Variants in GABRB3 observed in about 807,000 individuals in gnomAD.
The protein encoded by GABRB3 is gamma-aminobutyric acid receptor subunit beta-3.
A neutral mutation model predicts 52.1 loss-of-function variants in GABRB3; 14 were observed. The ratio of observed to expected loss-of-function variants is 0.27; its 90% CI spans 0.18 to 0.42. GABRB3 has a LOEUF of 0.42. Ranked by LOEUF, GABRB3 falls within the 10% of genes least tolerant of loss-of-function variation. The pLI is 1.00. For synonymous variants in GABRB3, 260 were observed against 232.3 expected, an observed-to-expected ratio of 1.12 and a Z score of -1.08; for missense variants, 307 against 609.1, an observed-to-expected ratio of 0.50 and a Z score of 5.22.
chr15:26,628,973 T>C, intron 3 of GABRB3: 1 of 1,536,100 alleles, frequency 6.5e-7, no homozygotes, highest in Non-Finnish European at 8.7e-7. Flanking sequence ...TCCCCGACTT[T>C]TACCTCTTCT....
At position 26,558,254 on chromosome 15, in the gene GABRB3, T is replaced by A. The variant is rs753387917; in HGVS notation, c.1080+2678A>T. ...TTGCCTGTGAAAAATCTGGTTTTAT[T>A]CACAGACCCTCAGTTTTCTGACCAA... On this transcript the variant is annotated intron_variant, in intron 8 of 8. Transcript: ENST00000311550. Among the ~76,000 whole-genome samples, 34 of 152,234 alleles carry A rather than the reference T, an allele frequency of 2.2e-4. 1 individual carries two copies. The highest frequency in any genetic ancestry group is 4.8e-4 in the Non-Finnish European group (33 of 68,044).
At chr15:26,707,021 T>TG (rs537053544) in intron 3 of GABRB3, among the ~76,000 whole-genome samples, 120 of 152,324 alleles carry the variant, frequency 7.9e-4, no homozygotes, top group South Asian at 2.3e-3. Context: ...GATGAGACTG[T>TG]GGTTTCCACC....
chr15:26,733,996 C>A (rs1181284764), intron 3 of GABRB3, among the ~76,000 whole-genome samples: 1 of 149,014 alleles, frequency 6.7e-6, no homozygotes, highest in Non-Finnish European at 1.5e-5. Flanking sequence ...GGTAAAAAAC[C>A]TAAATGTAAG....
intron 4 of GABRB3, among the ~76,000 whole-genome samples, chr15:26,620,263 T>C (rs1892431520): frequency 6.6e-6 from 1 of 152,168 alleles, no homozygotes; most frequent in South Asian, 2.1e-4. Context: ...TTTGCTAAAA[T>C]CCCAAATTCT....
chr15:26,586,408 A>ACACACT (rs1890988101), intron 4 of GABRB3, among the ~76,000 whole-genome samples: 1 of 150,974 alleles, frequency 6.6e-6, no homozygotes, highest in Admixed American at 6.6e-5. Context: ...ACACACACAC[A>ACACACT]CACACACACA....
chr15:26,702,889 T>C (rs925766943), intron 3 of GABRB3, among the ~76,000 whole-genome samples: 4 of 152,232 alleles, frequency 2.6e-5, no homozygotes, highest in African/African-American at 9.6e-5. Flanking sequence ...ATGTGAGGAA[T>C]ACATTTCTGT....
rs137986784 is a variant in GABRB3 at position 26,661,068 on chromosome 15, A to G, written c.241-39534T>C. 8.0e-3 allele frequency among the ~76,000 whole-genome samples: 1,218 copies of G among 152,272 alleles called. 18 individuals are homozygous for G. The highest frequency in any genetic ancestry group is 0.028 in the African/African-American group (1,165 of 41,540). On this transcript the variant is annotated intron_variant, in intron 3 of 8. Transcript: ENST00000311550. ...CCCAAAATCCTGGGATGACAGGTTT[A>G]AGCCACTGTGCCCAGCCAAGAATAA...
intron 3 of GABRB3, among the ~76,000 whole-genome samples, chr15:26,646,767 G>T (rs1887020542): frequency 6.6e-6 from 1 of 152,104 alleles, no homozygotes; most frequent in Non-Finnish European, 1.5e-5. Flanking sequence ...GTATCTCATT[G>T]TGGTTCTAAT....
chr15:26,764,175 AAAAAATATATATATATATATATATAT>A lies in GABRB3; in HGVS notation c.240+8201_240+8226del, dbSNP rs1231921982. Among the ~76,000 whole-genome samples the A allele has an allele frequency of 3.3e-3, 41 of 12,570 alleles. 5 individuals carry two copies. The highest frequency in any genetic ancestry group is 5.6e-3 in the Non-Finnish European group (36 of 6,380). 8.2% of individuals were successfully genotyped at this position (12,570 alleles called of 152,430 possible). ...AAAAAAAAAAAAAAAAAAAAAAAAAAAAAAATATATATATATATATATATATATATATATATATATATATATATATA... is the reference window on the plus strand; with the variant it reads ...AAAAAAAAAAAAAAAAAAAAAAAAAAATATATATATATATATATATATATA... On this transcript the variant is annotated intron_variant, in intron 3 of 8. Transcript: ENST00000311550.
intron 6 of GABRB3, among the ~76,000 whole-genome samples, chr15:26,570,236 C>A (rs1314653547): frequency 6.6e-6 from 1 of 152,206 alleles, no homozygotes; most frequent in Non-Finnish European, 1.5e-5. Flanking sequence ...GAGGTGAAAA[C>A]ATATGTGGAT....
At chr15:26,711,431 C>T (rs748927432) in intron 3 of GABRB3, among the ~76,000 whole-genome samples, 2 of 150,342 alleles carry the variant, frequency 1.3e-5, no homozygotes, top group South Asian at 4.3e-4. Flanking sequence ...AGCTTCGTGA[C>T]GGATGTGGCA....
intron 4 of GABRB3, among the ~76,000 whole-genome samples, chr15:26,599,979 T>A (rs11629779): frequency 0.31 from 47,333 of 151,548 alleles, 9,201 homozygotes; most frequent in Middle Eastern, 0.48. Flanking sequence ...TATAGAGAGA[T>A]AAAATTTAAT....
At chr15:26,615,164 A>G (rs1334644774) in intron 4 of GABRB3, 7 of 485,814 alleles carry the variant, frequency 1.4e-5, no homozygotes, top group African/African-American at 4.2e-5. Flanking sequence ...GCCTTTTTAC[A>G]AATAGAAGAA....
At chr15:26,672,165 G>T (rs1396926985) in intron 3 of GABRB3, among the ~76,000 whole-genome samples, 1 of 152,102 alleles carries the variant, frequency 6.6e-6, no homozygotes, top group Non-Finnish European at 1.5e-5. Flanking sequence ...AGTGACATAG[G>T]ATTATTTTGA....
At chr15:26,555,473 G>T (rs1047818836) in intron 8 of GABRB3, among the ~76,000 whole-genome samples, 7 of 152,308 alleles carry the variant, frequency 4.6e-5, no homozygotes, top group Admixed American at 4.6e-4. Context: ...CCACTGTTGT[G>T]TTTGGGAGAC....
chr15:26,566,936 T>G (rs1325946376), intron 7 of GABRB3, among the ~76,000 whole-genome samples: 1 of 152,240 alleles, frequency 6.6e-6, no homozygotes, highest in Non-Finnish European at 1.5e-5. Flanking sequence ...TACATAAACG[T>G]ATTTAAATAA....
intron 7 of GABRB3, 140 bp from the exon 8 acceptor site, chr15:26,561,316 C>G: frequency 8.6e-7 from 1 of 1,164,472 alleles, no homozygotes; most frequent in African/African-American, 1.5e-5. Context: ...TGGAATGCAA[C>G]AGAGCATACA....
At chr15:26,730,157 A>G (rs545465532) in intron 3 of GABRB3, among the ~76,000 whole-genome samples, 54 of 152,348 alleles carry the variant, frequency 3.5e-4, no homozygotes, top group African/African-American at 1.2e-3. Flanking sequence ...TTGTTCTTAC[A>G]GTCCAAGTGG....
chr15:26,596,520 C>A (rs1891401148), intron 4 of GABRB3, among the ~76,000 whole-genome samples: 1 of 152,046 alleles, frequency 6.6e-6, no homozygotes, highest in African/African-American at 2.4e-5. Flanking sequence ...AAGTAGCATG[C>A]ATTTATAAAA....
Sources: gnomAD v4.1 joint callset for allele counts (sites outside exome capture counted in the v4.1 genomes callset) on GRCh38, gnomAD v4.1.1 for gene constraint, MANE v1.5 for transcripts, NCBI Gene and HGNC (gene_info 2026-07-23, HGNC 2026-07-21) for gene names.